The following PTPRE variants were observed in gnomAD, a reference collection of about 807,000 sequenced individuals.
The protein encoded by PTPRE is receptor-type tyrosine-protein phosphatase epsilon.
In PTPRE, 51 loss-of-function variants were observed where a neutral mutation model predicts 102.0. The observed-to-expected ratio is 0.50, with a 90% CI of 0.40 to 0.63. The LOEUF (loss-of-function observed/expected upper bound fraction) is 0.63. Among genes scored for constraint, PTPRE ranks in the 30% least tolerant of loss-of-function variants. PTPRE has a pLI of 0.00. For synonymous variants in PTPRE, 345 were observed against 348.2 expected (o/e 0.99, Z 0.10); for missense variants, 752 against 915.1 (o/e 0.82, Z 2.30).
chr10:127,996,314 C>T (rs766728169), intron 2 of PTPRE, among the ~76,000 whole-genome samples: 1 of 152,200 alleles, frequency 6.6e-6, no homozygotes, highest in Non-Finnish European at 1.5e-5. Flanking sequence ...CGAAAGCTGG[C>T]CCGTCAAAAT....
At chr10:128,066,217 C>T in intron 11 of PTPRE, 23 bp downstream of exon 11, 2 of 1,609,580 alleles carry the variant, frequency 1.2e-6, no homozygotes, top group Non-Finnish European at 1.7e-6. Context: ...AGTTGCTGCC[C>T]TTCCAGAAAG....
rs750879661 is a variant in PTPRE, at chr10:127,963,109, G to A, written c.-30-19165G>A. Among the ~76,000 whole-genome samples the A allele has an allele frequency of 3.3e-5, 5 of 152,158 alleles. No homozygotes were observed. In the East Asian group the frequency reaches 7.7e-4, roughly 23 times the overall value. ...TGGAGGCCAGACACTGAGGCAGCTC[G>A]GTCCCCCTGGGGCCTATGGAAATGC... On this transcript the variant is annotated intron_variant, in intron 1 of 20. Transcript: ENST00000254667.
In PTPRE at chr10:128,073,490, C is replaced by T; in HGVS notation, c.1599+19C>T. 1 of 1,602,642 alleles carries T rather than the reference C, an allele frequency of 6.2e-7. No individual in the cohort carries two copies. The highest frequency in any genetic ancestry group is 8.5e-7 in the Non-Finnish European group (1 of 1,176,178). ...AGAGCAGGTGAGGAGTGCCGCCCAG[C>T]CCGGTCCCTCCAGGGCAGCCTGTGC... is the stretch of plus-strand genomic sequence containing the variant. On this transcript the variant is annotated intron_variant, in intron 17 of 20. Coordinates refer to ENST00000254667, the MANE Select transcript of PTPRE (RefSeq NM_006504.6).
At chr10:128,020,249 T>C (rs1265805339) in intron 2 of PTPRE, among the ~76,000 whole-genome samples, 1 of 152,268 alleles carries the variant, frequency 6.6e-6, no homozygotes, top group Non-Finnish European at 1.5e-5. Flanking sequence ...GTAAATGAGA[T>C]ACACATTGTC....
At chr10:127,948,571 C>T (rs1392040106) in intron 1 of PTPRE, among the ~76,000 whole-genome samples, 2 of 152,134 alleles carry the variant, frequency 1.3e-5, no homozygotes, top group Non-Finnish European at 2.9e-5. Context: ...CATAGTTTTG[C>T]CTTTTCTAGA....
chr10:128,040,455 C>T (rs1013611408), intron 2 of PTPRE, among the ~76,000 whole-genome samples: 2 of 152,092 alleles, frequency 1.3e-5, no homozygotes. Context: ...GGCCAGAGAA[C>T]AGGGCTTGAA....
Position 128,068,244 on chromosome 10 carries a change from C to T in PTPRE, c.965C>T (p.Thr322Met), listed in dbSNP as rs145419797. Reference sequence around the variant, plus strand: ...CTGAAGTTCCTCAAGAAAGTAAAGACGCTCAACCCCGTGCACGCTGGGCCC... The same window carrying T: ...CTGAAGTTCCTCAAGAAAGTAAAGATGCTCAACCCCGTGCACGCTGGGCCC... ...GMLKFLKKVK[T>M]LNPVHAGPIV... The change falls in exon 12 of 21, where the codon ACG becomes ATG. Residue 322 changes from threonine (T) to methionine (M), a missense_variant. Coordinates refer to ENST00000254667, the MANE Select transcript of PTPRE (RefSeq NM_006504.6). The T allele has an allele frequency of 6.8e-5, 109 of 1,614,166 alleles. 1 individual carries two copies. In the African/African-American group the frequency reaches 1.2e-3, roughly 18 times the overall value.
chr10:127,917,464 T>C (rs1182157351), intron 1 of PTPRE, among the ~76,000 whole-genome samples: 1 of 152,034 alleles, frequency 6.6e-6, no homozygotes, highest in Non-Finnish European at 1.5e-5. Flanking sequence ...GGAGGATTGC[T>C]TGAGGCTAGG....
chr10:128,060,841 G>A, intron 7 of PTPRE, 98 bp from the exon 8 acceptor site: 3 of 1,200,522 alleles, frequency 2.5e-6, no homozygotes, highest in South Asian at 1.3e-5. Flanking sequence ...CCCAGGAGCT[G>A]ACACTGCAGA....
In PTPRE at chr10:128,066,068, C is replaced by G; in HGVS notation, c.724-7C>G. The G allele has an allele frequency of 6.2e-7, 1 of 1,614,160 alleles. No individual in the cohort carries two copies. The highest frequency in any genetic ancestry group is 1.1e-5 in the South Asian group (1 of 91,084). On this transcript the variant is annotated splice_region_variant and splice_polypyrimidine_tract_variant and intron_variant, in intron 10 of 20. Transcript: ENST00000254667. ...TCTATTTGCTTCTATTAAATTGTTC[C>G]GTGCAGGAAAAGTGCCATCAGTACT...
intron 1 of PTPRE, among the ~76,000 whole-genome samples, chr10:127,910,467 T>C (rs1488077606): frequency 1.3e-5 from 2 of 152,230 alleles, no homozygotes; most frequent in African/African-American, 4.8e-5. Context: ...GGACTTGACT[T>C]TGATTTCCAG....
intron 18 of PTPRE, 139 bp from the exon 19 acceptor site, chr10:128,077,478 G>T: frequency 9.0e-7 from 1 of 1,113,746 alleles, no homozygotes; most frequent in Non-Finnish European, 1.2e-6. Flanking sequence ...TCTCCTTCAG[G>T]CTGCCTCGGT....
intron 5 of PTPRE, 45 bp downstream of exon 5, chr10:128,047,882 C>CT (rs1564925411): frequency 6.6e-7 from 1 of 1,521,506 alleles, no homozygotes. Flanking sequence ...AAAATGTGTT[C>CT]TTTTTTAGCA....
intron 5 of PTPRE, among the ~76,000 whole-genome samples, chr10:128,048,830 G>T (rs538580239): frequency 6.6e-6 from 1 of 152,274 alleles, no homozygotes; most frequent in Admixed American, 6.5e-5. Context: ...CTGCAGGTGG[G>T]GACAGGCCCT....
intron 2 of PTPRE, among the ~76,000 whole-genome samples, chr10:127,991,435 A>C (rs1852644285): frequency 6.6e-6 from 1 of 152,136 alleles, no homozygotes; most frequent in Non-Finnish European, 1.5e-5. Context: ...TGTGGTTCTC[A>C]GTGTTTGAGA....
chr10:127,994,850 A>C (rs141061641), intron 2 of PTPRE, among the ~76,000 whole-genome samples: 1 of 152,100 alleles, frequency 6.6e-6, no homozygotes, highest in African/African-American at 2.4e-5. Context: ...TGCACATTTC[A>C]GTTCACTTTG....
chr10:128,077,818 G>T, intron 19 of PTPRE, 35 bp downstream of exon 19: 1 of 1,560,062 alleles, frequency 6.4e-7, no homozygotes, highest in Non-Finnish European at 8.7e-7. Context: ...CAGGTGGGGT[G>T]GACACAGGCT....
chr10:127,908,762 G>A (rs1363239155), intron 1 of PTPRE, among the ~76,000 whole-genome samples: 1 of 152,162 alleles, frequency 6.6e-6, no homozygotes, highest in Non-Finnish European at 1.5e-5. Flanking sequence ...GACCTTGGGG[G>A]CCAAGATTTT....
chr10:127,984,697 C>T (rs1240036861), intron 2 of PTPRE, among the ~76,000 whole-genome samples: 1 of 152,170 alleles, frequency 6.6e-6, no homozygotes, highest in Non-Finnish European at 1.5e-5. Context: ...GAATAAGTCT[C>T]ACGAGATCTG....
Sources: gnomAD v4.1 joint callset for allele counts (sites outside exome capture counted in the v4.1 genomes callset) on GRCh38, gnomAD v4.1.1 for gene constraint, MANE v1.5 for transcripts, NCBI Gene and HGNC (gene_info 2026-07-23, HGNC 2026-07-21) for gene names.